The following TRIM32 variants were observed in gnomAD, a reference collection of about 807,000 sequenced individuals.
TRIM32 encodes the protein E3 ubiquitin-protein ligase TRIM32.
A neutral mutation model predicts 36.0 loss-of-function variants in TRIM32; 19 were observed. That is an observed-to-expected ratio of 0.53 (90% CI 0.37 to 0.77). TRIM32 has a LOEUF of 0.77. Ranked by LOEUF, TRIM32 falls within the 30% of genes least tolerant of loss-of-function variation. The pLI is 0.00. For synonymous variants in TRIM32, 309 were observed against 318.5 expected (o/e 0.97, Z 0.32); for missense variants, 747 against 845.2 (o/e 0.88, Z 1.44).
intron 1 of TRIM32, among the ~76,000 whole-genome samples, chr9:116,696,191 C>G (rs1200358301): frequency 1.3e-5 from 2 of 152,100 alleles, no homozygotes; most frequent in Non-Finnish European, 2.9e-5. Flanking sequence ...CTCTGAAGAC[C>G]TTTTATAATT....
chr9:116,699,345 C>G lies in TRIM32; in HGVS notation c.1603C>G (p.Leu535Val). 1 of 1,614,210 alleles carries G rather than the reference C, an allele frequency of 6.2e-7. No homozygotes were observed. ...CGTCTACTTCACCCAGGGCTTAGGC[C>G]TCAATCTGGAGAATCGGCAGAATGA... The part of the protein sequence containing the change: ...GTVYFTQGLG[L>V]NLENRQNEHH... Residue 535 changes from leucine (L) to valine (V), a missense_variant, in exon 2 of 2, where the codon CTC (leucine) becomes GTC (valine). By Grantham distance (32) the Leu-to-Val change is conservative. Transcript: ENST00000450136. The surrounding 1 kb of genome is among the most constrained non-coding windows in gnomAD (Gnocchi z 4.2).
At chr9:116,694,524 C>T (rs184489068) in intron 1 of TRIM32, among the ~76,000 whole-genome samples, 9 of 127,666 alleles carry the variant, frequency 7.0e-5, no homozygotes, top group South Asian at 2.7e-4. Context: ...TGCAGTGGCG[C>T]GTCTCGGCTC....
At chr9:116,694,294 C>T (rs951511103) in intron 1 of TRIM32, among the ~76,000 whole-genome samples, 1 of 152,110 alleles carries the variant, frequency 6.6e-6, no homozygotes, top group Admixed American at 6.5e-5. Flanking sequence ...CTGATCTGCA[C>T]TGCCAGCTCT....
Position 116,697,976 on chromosome 9 carries a change from C to T in TRIM32, c.234C>T (p.Asp78=), listed in dbSNP as rs1860956271. ...TAACCAGCTTGACCCAGCTGACAGA[C>T]AATCTGACAGTGCTAAAGATCATTG... ...TRITSLTQLT[D]NLTVLKIIDT... Residue 78 remains aspartate, a synonymous_variant, in exon 2 of 2, where the codon GAC becomes GAT. Transcript: ENST00000450136. 6.2e-7 allele frequency: 1 copy of T among 1,614,226 alleles called. No homozygotes were observed. The highest frequency in any genetic ancestry group is 1.3e-5 in the African/African-American group (1 of 75,068).
Position 116,697,934 on chromosome 9 carries a change from C to A in TRIM32, c.192C>A (p.Cys64Ter), listed in dbSNP as rs1350802366. Residue 64 changes from cysteine to a stop codon, truncating the protein, a stop_gained, in exon 2 of 2, where the codon TGC becomes TGA. Transcript: ENST00000450136. LOFTEE classifies it high-confidence loss of function. ...SSINGVRCPFCSKITRITSLT... is the reference protein window; with the variant it reads ...SSINGVRCPF The stretch of plus-strand genomic sequence containing the variant: ...TCAATGGTGTCCGCTGTCCCTTTTG[C>A]AGCAAGATTACCCGCATAACCAGCT... The A allele has an allele frequency of 6.2e-7, 1 of 1,614,236 alleles. No individual in the cohort carries two copies. Among genetic ancestry groups the A allele is most frequent in the East Asian group, 2.2e-5 (1 of 44,870 alleles).
chr9:116,692,578 C>T (rs1002118104), intron 1 of TRIM32, among the ~76,000 whole-genome samples: 2 of 152,166 alleles, frequency 1.3e-5, no homozygotes, highest in African/African-American at 2.4e-5. Context: ...AACTTGCTCA[C>T]GTCTCCACAA....
rs1588217225 is a variant in TRIM32 at position 116,698,783 on chromosome 9, G to A, written c.1041G>A (p.Glu347=). 1.1e-5 allele frequency: 18 copies of A among 1,614,186 alleles called. No individual in the cohort carries two copies. Among genetic ancestry groups the A allele is most frequent in the Non-Finnish European group, 1.5e-5 (18 of 1,180,040 alleles). Residue 347 remains glutamate, a synonymous_variant, in exon 2 of 2, where the codon GAG becomes GAA. Coordinates refer to ENST00000450136, the MANE Select transcript of TRIM32 (RefSeq NM_012210.4). The surrounding 1 kb of genome is among the most constrained non-coding windows in gnomAD (Gnocchi z 4.4). The part of the protein sequence containing the change: ...RASPAKQRGP[E]AASNIQQCLF... ...CACCTGCTAAACAGCGGGGTCCTGA[G>A]GCAGCCTCCAATATCCAGCAGTGCC...
At position 116,699,853 on chromosome 9, in the gene TRIM32, GT is replaced by G; in HGVS notation, c.*154del. The G allele has an allele frequency of 9.3e-7, 1 of 1,071,374 alleles. No homozygotes were observed. Among genetic ancestry groups the G allele is most frequent in the Non-Finnish European group, 1.4e-6 (1 of 737,952 alleles). 66.4% of individuals were successfully genotyped at this position (1,071,374 alleles called of 1,614,324 possible). On this transcript the variant is annotated 3_prime_UTR_variant, in exon 2 of 2. Coordinates refer to ENST00000450136, the MANE Select transcript of TRIM32 (RefSeq NM_012210.4). The surrounding 1 kb of genome is among the most constrained non-coding windows in gnomAD (Gnocchi z 4.2). ...AACTTCAGAAGCTCCATCTTTTAAT[GT>G]TTTTATTTGTTATGTCCCCCTCCCC...
In TRIM32 at chr9:116,698,625, GT is replaced by G. The variant is rs770884964; in HGVS notation, c.885del (p.Lys296ArgfsTer32). The G allele has an allele frequency of 1.2e-6, 2 of 1,614,146 alleles. No individual in the cohort carries two copies. Among genetic ancestry groups the G allele is most frequent in the African/African-American group, 2.7e-5 (2 of 75,062 alleles). The stretch of plus-strand genomic sequence containing the variant: ...TGGCCCCCTCCAAATTGGACAAGCT[GT>G]TAAGAAGCCCCGGACAGTTAACGTG... ...HVGPLQIGQA[V>X]KKPRTVNVED... On this transcript the variant is annotated frameshift_variant, in exon 2 of 2. Transcript: ENST00000450136. LOFTEE classifies it high-confidence loss of function. The surrounding 1 kb of genome is among the most constrained non-coding windows in gnomAD (Gnocchi z 4.4).
At position 116,698,857 on chromosome 9, in the gene TRIM32, A is replaced by G. The variant is rs781488306; in HGVS notation, c.1115A>G (p.Asn372Ser). The change falls in exon 2 of 2, where the codon AAT becomes AGT. Residue 372 changes from asparagine to serine, a missense_variant. Transcript: ENST00000450136. The surrounding 1 kb of genome is among the most constrained non-coding windows in gnomAD (Gnocchi z 4.4). Reference protein sequence around the residue: ...GAKGSTPGMFNLPVSLYVTSQ... With the variant: ...GAKGSTPGMFSLPVSLYVTSQ... ...AAAGGCAGCACTCCAGGAATGTTCAATCTTCCAGTCAGTCTCTACGTGACC... is the reference window on the plus strand; with the variant it reads ...AAAGGCAGCACTCCAGGAATGTTCAGTCTTCCAGTCAGTCTCTACGTGACC... 14 of 1,614,118 alleles carry G rather than the reference A, an allele frequency of 8.7e-6. No homozygotes were observed. Among genetic ancestry groups the G allele is most frequent in the African/African-American group, 6.7e-5 (5 of 74,944 alleles).
At chr9:116,697,490 G>GGTTT (rs1252747724) in intron 1 of TRIM32, 172 bp from the exon 2 acceptor site, 1 of 502,064 alleles carries the variant, frequency 2.0e-6, no homozygotes, top group Admixed American at 3.2e-5. Flanking sequence ...TGTTTTGTCT[G>GGTTT]GTTTGTTTCC....
rs114597839 is a variant in TRIM32 at position 116,697,371 on chromosome 9, A to G, written c.-81-291A>G. 1,443 of 289,224 alleles carry G rather than the reference A, an allele frequency of 5.0e-3. 22 individuals carry two copies. Among genetic ancestry groups the G allele is most frequent in the African/African-American group, 0.03 (1,380 of 46,458 alleles). 17.9% of individuals were successfully genotyped at this position (289,224 alleles called of 1,614,324 possible). ...GACACCATTATTACTTCTATTTTAC[A>G]GATGAGTGATGGGGAAAGAGCTTTT... On this transcript the variant is annotated intron_variant, in intron 1 of 1. Transcript: ENST00000450136.
rs1274265404 is a variant in TRIM32 at position 116,699,429 on chromosome 9, C to T, written c.1687C>T (p.Arg563Cys). The change falls in exon 2 of 2, where the codon CGC becomes TGC. Residue 563 changes from arginine to cysteine, a missense_variant. Arg to Cys is a radical substitution (Grantham distance 180). Coordinates refer to ENST00000450136, the MANE Select transcript of TRIM32 (RefSeq NM_012210.4). This position sits in a 1 kb window ranked among gnomAD's most constrained non-coding sequence, Gnocchi z 4.2. ...GSVGPDGQLG[R>C]QISHFFSENE... ...TGTAGGCCCTGATGGGCAGCTGGGTCGCCAGATTAGCCACTTCTTCTCGGA... is the reference window on the plus strand; with the variant it reads ...TGTAGGCCCTGATGGGCAGCTGGGTTGCCAGATTAGCCACTTCTTCTCGGA... 8 of 1,614,134 alleles carry T rather than the reference C, an allele frequency of 5.0e-6. No individual in the cohort carries two copies. Among genetic ancestry groups the T allele is most frequent in the African/African-American group, 1.3e-5 (1 of 75,028 alleles).
At position 116,699,704 on chromosome 9, in the gene TRIM32, G is replaced by A; in HGVS notation, c.1962G>A (p.Ter654=). 1.2e-6 allele frequency: 2 copies of A among 1,614,192 alleles called. No individual in the cohort carries two copies. Among genetic ancestry groups the A allele is most frequent in the East Asian group, 4.5e-5 (2 of 44,876 alleles). ...ATCTGAGAAGATATTCCACCCCATA[G>A]GGGATGAGAAATTATCAGTTTCTTC... ...SYHLRRYSTP[*] Residue 654 remains the stop codon, a stop_retained_variant, in exon 2 of 2, where the codon TAG becomes TAA. Transcript: ENST00000450136. This position sits in a 1 kb window ranked among gnomAD's most constrained non-coding sequence, Gnocchi z 4.2.
chr9:116,699,778 C>G lies in TRIM32; in HGVS notation c.*74C>G. 6.3e-7 allele frequency: 1 copy of G among 1,599,498 alleles called. No homozygotes were observed. ...CCTTAGTTCTTGGTTGTTAGTGGCA[C>G]ATGCAGAATAGACTCAGCCTATGTC... On this transcript the variant is annotated 3_prime_UTR_variant, in exon 2 of 2. Transcript: ENST00000450136. This position sits in a 1 kb window ranked among gnomAD's most constrained non-coding sequence, Gnocchi z 4.2.
intron 1 of TRIM32, among the ~76,000 whole-genome samples, chr9:116,687,866 C>T (rs1860351523): frequency 6.6e-6 from 1 of 151,646 alleles, no homozygotes; most frequent in Non-Finnish European, 1.5e-5. Context: ...TAGGGCGATC[C>T]TAAGTGCTAT....
intron 1 of TRIM32, among the ~76,000 whole-genome samples, chr9:116,691,537 G>T (rs1189944776): frequency 6.6e-6 from 1 of 152,292 alleles, no homozygotes; most frequent in African/African-American, 2.4e-5. Flanking sequence ...TAGTAATTTA[G>T]CTAAAGTTTT....
In TRIM32 at chr9:116,698,561, C is replaced by G; in HGVS notation, c.819C>G (p.Leu273=). ...PELTASLPRE[L]TLQDVELLKV... ...TCACTGCCAGCTTGCCTCGGGAGCT[C>G]ACCCTGCAAGATGTGGAGCTCCTTA... Residue 273 remains leucine, a synonymous_variant, in exon 2 of 2, where the codon CTC becomes CTG. Coordinates refer to ENST00000450136, the MANE Select transcript of TRIM32 (RefSeq NM_012210.4). The surrounding 1 kb of genome is among the most constrained non-coding windows in gnomAD (Gnocchi z 4.4). 1 of 1,613,974 alleles carries G rather than the reference C, an allele frequency of 6.2e-7. No individual in the cohort carries two copies. Among genetic ancestry groups the G allele is most frequent in the South Asian group, 1.1e-5 (1 of 91,062 alleles).
At chr9:116,689,737 T>C (rs1860469440) in intron 1 of TRIM32, among the ~76,000 whole-genome samples, 1 of 152,118 alleles carries the variant, frequency 6.6e-6, no homozygotes, top group Non-Finnish European at 1.5e-5. Context: ...TCTCTCTGAT[T>C]AGGTAGGGAG....
Sources: gnomAD v4.1 joint callset for allele counts (sites outside exome capture counted in the v4.1 genomes callset) on GRCh38, gnomAD v4.1.1 for gene constraint, Gnocchi (gnomAD v3.1) non-coding constraint, MANE v1.5 for transcripts, NCBI Gene and HGNC (gene_info 2026-07-23, HGNC 2026-07-21) for gene names.